STPG2: variants seen among roughly 807,000 people sequenced by gnomAD.
STPG2 encodes the protein sperm-tail PG-rich repeat-containing protein 2.
A neutral mutation model predicts 54.2 loss-of-function variants in STPG2; 56 were observed. That is an observed-to-expected ratio of 1.03 (90% CI 0.83 to 1.29). The LOEUF (loss-of-function observed/expected upper bound fraction) is 1.29, where lower values mean the gene tolerates loss of function less well. STPG2 is among the 50% of genes most tolerant of loss of function. The probability of loss-of-function intolerance (pLI) is 0.00; values close to 1 mark genes in which losing one functional copy is unlikely to be tolerated. For synonymous variants in STPG2, 200 were observed against 181.8 expected, an observed-to-expected ratio of 1.10 and a Z score of -0.81; for missense variants, 596 against 544.9, an observed-to-expected ratio of 1.09 and a Z score of -0.93.
intron 3 of STPG2, among the ~76,000 whole-genome samples, chr4:98,127,998 T>G (rs1739878065): frequency 6.6e-6 from 1 of 152,238 alleles, no homozygotes; most frequent in African/African-American, 2.4e-5. Context: ...CCATTCCTTC[T>G]TCTTCTGAGA....
chr4:97,568,346 G>A (rs1172283487), intron 10 of STPG2, among the ~76,000 whole-genome samples: 2 of 152,110 alleles, frequency 1.3e-5, no homozygotes, highest in Non-Finnish European at 2.9e-5. Context: ...ACATGGTTAA[G>A]CAAATGAGTA....
intron 5 of STPG2, among the ~76,000 whole-genome samples, chr4:98,069,029 T>C (rs914734348): frequency 6.6e-6 from 1 of 152,136 alleles, no homozygotes; most frequent in African/African-American, 2.4e-5. Flanking sequence ...ACAACCACTT[T>C]ATGCCACTGA....
intron 9 of STPG2, among the ~76,000 whole-genome samples, chr4:97,774,738 A>T (rs1289177351): frequency 6.6e-6 from 1 of 152,162 alleles, no homozygotes; most frequent in Admixed American, 6.6e-5. Flanking sequence ...GCAGTATAGG[A>T]TCATAGTGTT....
chr4:97,918,096 A>G (rs1280700724), intron 8 of STPG2, among the ~76,000 whole-genome samples: 8 of 152,188 alleles, frequency 5.3e-5, no homozygotes, highest in Admixed American at 5.2e-4. Flanking sequence ...TCTCATGGCA[A>G]ATGTTCCTCA....
At chr4:97,919,325 A>C (rs950072621) in intron 8 of STPG2, among the ~76,000 whole-genome samples, 4 of 151,386 alleles carry the variant, frequency 2.6e-5, no homozygotes, top group Admixed American at 1.3e-4. Context: ...CAAGAAATGC[A>C]AAAGAAAAAA....
chr4:97,682,885 GA>G (rs1006623320), intron 10 of STPG2, among the ~76,000 whole-genome samples: 5 of 151,724 alleles, frequency 3.3e-5, no homozygotes, highest in African/African-American at 1.2e-4. Flanking sequence ...AATTAGAAAA[GA>G]AAAGTAACTG....
At chr4:97,858,117 G>A (rs1384607806) in intron 8 of STPG2, among the ~76,000 whole-genome samples, 1 of 152,042 alleles carries the variant, frequency 6.6e-6, no homozygotes, top group Non-Finnish European at 1.5e-5. Flanking sequence ...AGAGATAAGG[G>A]TAGACAGTTT....
chr4:97,801,557 C>A (rs1457989168), intron 9 of STPG2, among the ~76,000 whole-genome samples: 1 of 152,184 alleles, frequency 6.6e-6, no homozygotes, highest in Non-Finnish European at 1.5e-5. Context: ...AGGCACAAAT[C>A]TAGGGCAGTA....
intron 6 of STPG2, 30 bp from the exon 7 acceptor site, chr4:97,972,470 A>AATAT: frequency 7.6e-7 from 1 of 1,320,290 alleles, no homozygotes; most frequent in Non-Finnish European, 1.0e-6. Flanking sequence ...CATATATAAG[A>AATAT]ATAAGCATGC....
chr4:97,934,771 A>C (rs930725464), intron 8 of STPG2, among the ~76,000 whole-genome samples: 1 of 152,126 alleles, frequency 6.6e-6, no homozygotes, highest in African/African-American at 2.4e-5. Flanking sequence ...TATTTTATTG[A>C]GGATTTTTGC....
intron 10 of STPG2, among the ~76,000 whole-genome samples, chr4:97,685,066 A>G (rs1408908308): frequency 6.6e-6 from 1 of 152,066 alleles, no homozygotes; most frequent in East Asian, 1.9e-4. Flanking sequence ...CAAGACACTG[A>G]TAATAAAGAT....
At chr4:97,946,969 C>T (rs996089710) in intron 7 of STPG2, among the ~76,000 whole-genome samples, 1 of 151,918 alleles carries the variant, frequency 6.6e-6, no homozygotes, top group Admixed American at 6.6e-5. Context: ...TTGAATCTGT[C>T]GATTGCTTTG....
At chr4:97,741,163 T>G (rs1169327230) in intron 9 of STPG2, among the ~76,000 whole-genome samples, 1 of 152,116 alleles carries the variant, frequency 6.6e-6, no homozygotes, top group Non-Finnish European at 1.5e-5. Flanking sequence ...TAGCCATATG[T>G]AGAAAGCTGA....
chr4:98,055,867 C>A (rs955526912), intron 5 of STPG2, among the ~76,000 whole-genome samples: 1 of 152,134 alleles, frequency 6.6e-6, no homozygotes, highest in African/African-American at 2.4e-5. Flanking sequence ...GTTAACAGGG[C>A]AGTTTTGAAT....
intron 5 of STPG2, among the ~76,000 whole-genome samples, chr4:98,018,958 A>T (rs1736071916): frequency 6.6e-6 from 1 of 151,470 alleles, no homozygotes; most frequent in Non-Finnish European, 1.5e-5. Context: ...TTTTCTCCCA[A>T]TTTCTAGGTT....
intron 9 of STPG2, among the ~76,000 whole-genome samples, chr4:97,799,361 C>G (rs1727303901): frequency 1.3e-5 from 2 of 152,234 alleles, no homozygotes; most frequent in South Asian, 4.2e-4. Flanking sequence ...TTCAGGAGCT[C>G]TTGTAGGACA....
At chr4:97,995,646 A>G (rs1159449528) in intron 5 of STPG2, among the ~76,000 whole-genome samples, 1 of 152,168 alleles carries the variant, frequency 6.6e-6, no homozygotes, top group Non-Finnish European at 1.5e-5. Flanking sequence ...ACTAAAAATG[A>G]ACAGATAGAG....
intron 10 of STPG2, among the ~76,000 whole-genome samples, chr4:97,637,683 T>G (rs1433669346): frequency 6.6e-6 from 1 of 152,138 alleles, no homozygotes. Flanking sequence ...ATCACAAGCA[T>G]TCCTATACAC....
At chr4:97,574,590 A>G (rs1385906519) in intron 10 of STPG2, among the ~76,000 whole-genome samples, 2 of 152,074 alleles carry the variant, frequency 1.3e-5, no homozygotes, top group Non-Finnish European at 2.9e-5. Flanking sequence ...CACTTGTCAC[A>G]TGAAGGCCTT....
Sources: allele counts gnomAD v4.1 joint callset (sites outside exome capture counted in the v4.1 genomes callset), GRCh38; gene constraint gnomAD v4.1.1; transcripts MANE v1.5; gene names NCBI Gene and HGNC (gene_info 2026-07-23, HGNC 2026-07-21).